CMTM4: variants seen among roughly 807,000 people sequenced by gnomAD.
CMTM4 encodes CKLF-like MARVEL transmembrane domain-containing protein 4.
Under a neutral mutation model 19.0 loss-of-function variants are expected in CMTM4, and 8 were observed. The observed-to-expected ratio is 0.42, with a 90% CI of 0.25 to 0.76. The LOEUF is 0.76. CMTM4 is among the 30% of genes least tolerant of loss of function. The probability of loss-of-function intolerance (pLI) is 0.27; values close to 1 mark genes in which losing one functional copy is unlikely to be tolerated. For missense variants in CMTM4, 228 were observed against 290.2 expected, an observed-to-expected ratio of 0.79 and a Z score of 1.56; for synonymous variants, 106 against 121.1, an observed-to-expected ratio of 0.88 and a Z score of 0.82.
chr16:66,651,638 C>A (rs2016312964), intron 1 of CMTM4, among the ~76,000 whole-genome samples: 1 of 152,178 alleles, frequency 6.6e-6, no homozygotes, highest in Non-Finnish European at 1.5e-5. Flanking sequence ...GGAAAAATCA[C>A]CATGTATGAT....
In CMTM4 at chr16:66,636,570, C is replaced by A; in HGVS notation, c.198G>T (p.Leu66=). ...RLKVAQVILA[L]IAFICIETIM... ...TGGTCTCTATGCAGATGAATGCAAT[C>A]AGGGCCAAGATCTAGGAAGAAAATT... is the stretch of plus-strand genomic sequence containing the variant. Residue 66 remains leucine (L), a synonymous_variant, in exon 2 of 4, where the codon CTG becomes CTT. Coordinates refer to ENST00000394106, the MANE Select transcript of CMTM4 (RefSeq NM_181521.3). The A allele has an allele frequency of 1.9e-6, 3 of 1,614,074 alleles. No homozygotes were observed. Among genetic ancestry groups the A allele is most frequent in the Non-Finnish European group, 1.7e-6 (2 of 1,179,932 alleles).
the CMTM4 span, chr16:66,609,627 C>A: frequency 1.3e-6 from 2 of 1,514,086 alleles, no homozygotes; most frequent in Non-Finnish European, 1.8e-6. This position sits in a 1 kb window ranked among gnomAD's most constrained non-coding sequence, Gnocchi z 4.4. Flanking sequence ...GCTGGGGCCC[C>A]CCTGGGGTCT....
intron 2 of CMTM4, among the ~76,000 whole-genome samples, chr16:66,633,102 A>AAT (rs371737613): frequency 8.2e-5 from 8 of 97,434 alleles, no homozygotes; most frequent in Admixed American, 3.1e-4. Context: ...TATATATATA[A>AAT]ATATATATAT....
downstream of CMTM4, chr16:66,612,546 G>T (rs536160698): frequency 1.5e-5 from 23 of 1,569,152 alleles, no homozygotes; most frequent in Non-Finnish European, 1.9e-5. The surrounding 1 kb of genome is among the most constrained non-coding windows in gnomAD (Gnocchi z 6.0). Context: ...CTTCCCCAGA[G>T]ACCGTTCCCA....
At chr16:66,680,600 C>T (rs1015583740) in intron 1 of CMTM4, among the ~76,000 whole-genome samples, 1 of 151,646 alleles carries the variant, frequency 6.6e-6, no homozygotes, top group African/African-American at 2.4e-5. Context: ...CGGTGAAACC[C>T]CGTCTCTACT....
At chr16:66,626,252 T>C (rs374887356) in intron 2 of CMTM4, among the ~76,000 whole-genome samples, 3 of 152,054 alleles carry the variant, frequency 2.0e-5, no homozygotes, top group East Asian at 3.9e-4. Flanking sequence ...CTGGCAAATA[T>C]GGTGAAACCC....
the CMTM4 span, among the ~76,000 whole-genome samples, chr16:66,606,209 TC>T: frequency 2.0e-5 from 3 of 151,922 alleles, no homozygotes; most frequent in African/African-American, 7.2e-5. Flanking sequence ...GTCCCCTCAC[TC>T]CCACCCCCAG....
chr16:66,640,527 C>A (rs1196265178), intron 1 of CMTM4, among the ~76,000 whole-genome samples: 1 of 152,016 alleles, frequency 6.6e-6, no homozygotes, highest in Non-Finnish European at 1.5e-5. Context: ...GTGAGGTATG[C>A]GGCTCTCACT....
intron 1 of CMTM4, among the ~76,000 whole-genome samples, chr16:66,642,089 C>T (rs886288344): frequency 6.6e-6 from 1 of 152,110 alleles, no homozygotes; most frequent in Admixed American, 6.6e-5. Context: ...TTTTGTCTGA[C>T]ATTGGACACA....
At position 66,696,213 on chromosome 16, in the gene CMTM4, G is replaced by C; in HGVS notation, c.186+127C>G. The C allele has an allele frequency of 1.7e-6, 1 of 605,320 alleles. No homozygotes were observed. Among genetic ancestry groups the C allele is most frequent in the Non-Finnish European group, 2.4e-6 (1 of 422,480 alleles). The allele number at this position is 605,320 out of a possible 1,614,324, so 37.5% of individuals were successfully genotyped here. On this transcript the variant is annotated intron_variant, in intron 1 of 3. Coordinates refer to ENST00000394106, the MANE Select transcript of CMTM4 (RefSeq NM_181521.3). This position sits in a 1 kb window ranked among gnomAD's most constrained non-coding sequence, Gnocchi z 4.3. ...AGTGGTCCCGGGACCCCACGAGGGA[G>C]AGGGGGCGCGAGGAGCGGGCTCCGG...
rs546195211 is a variant in CMTM4, at chr16:66,693,394, G to A, written c.186+2946C>T. ...CACCTCAGCTTCCTGATTTTTAAAA[G>A]TCAAATTTTTCTCCAAACCGCAGAG... On this transcript the variant is annotated intron_variant, in intron 1 of 3. Transcript: ENST00000394106. Among the ~76,000 whole-genome samples, 3 of 152,130 alleles carry A rather than the reference G, an allele frequency of 2.0e-5. No homozygotes were observed. The South Asian group carries it at 6.2e-4, about 32-fold the overall frequency.
At chr16:66,673,532 T>C (rs2016751796) in intron 1 of CMTM4, among the ~76,000 whole-genome samples, 1 of 152,042 alleles carries the variant, frequency 6.6e-6, no homozygotes, top group Non-Finnish European at 1.5e-5. Flanking sequence ...TTACAGAAAA[T>C]GCCTCAGTGT....
At chr16:66,610,213 G>A (rs995696972), downstream of CMTM4, among the ~76,000 whole-genome samples, 1 of 152,174 alleles carries the variant, frequency 6.6e-6, no homozygotes, top group Non-Finnish European at 1.5e-5. The surrounding 1 kb of genome is among the most constrained non-coding windows in gnomAD (Gnocchi z 4.6). Context: ...GCCTTTCTAG[G>A]AGGGGCAAGC....
intron 1 of CMTM4, among the ~76,000 whole-genome samples, chr16:66,683,172 TA>T (rs1255469605): frequency 1.2e-5 from 1 of 83,292 alleles, no homozygotes; most frequent in Non-Finnish European, 2.5e-5. Flanking sequence ...TATATATATA[TA>T]TACATATGTA....
chr16:66,689,066 A>C (rs896162005), intron 1 of CMTM4, among the ~76,000 whole-genome samples: 4 of 152,214 alleles, frequency 2.6e-5, no homozygotes, highest in Non-Finnish European at 5.9e-5. Context: ...TTATCTACCT[A>C]ATCATGCCAT....
chr16:66,622,843 C>T lies in CMTM4; in HGVS notation c.462+561G>A, dbSNP rs932227871. ...ATCGCCTGAGTGGCACCTGGGAGAG[C>T]AGTTCGTTTAATCATTTATAAACCT... On this transcript the variant is annotated intron_variant, in intron 3 of 3. Transcript: ENST00000394106. The surrounding 1 kb of genome is among the most constrained non-coding windows in gnomAD (Gnocchi z 4.0). 3.3e-5 allele frequency among the ~76,000 whole-genome samples: 5 copies of T among 152,206 alleles called. No individual in the cohort carries two copies. Among genetic ancestry groups the T allele is most frequent in the African/African-American group, 1.2e-4 (5 of 41,444 alleles).
Position 66,621,631 on chromosome 16 carries a change from TTGGAGCAGG to T in CMTM4, c.*418_*426del, listed in dbSNP as rs2015636826. 3.0e-6 allele frequency: 3 copies of T among 1,003,348 alleles called. No homozygotes were observed. The Admixed American group carries it at 1.6e-4, about 54-fold the overall frequency. The allele number at this position is 1,003,348 out of a possible 1,614,324, so 62.2% of individuals were successfully genotyped here. ...CCCAGCACGCAGACTCAACACTGAC[TTGGAGCAGG>T]TGGTGCCTAAGGCTGCCTGAGAACC... On this transcript the variant is annotated 3_prime_UTR_variant, in exon 4 of 4. Transcript: ENST00000394106.
At chr16:66,695,959 T>G (rs2017225274) in intron 1 of CMTM4, among the ~76,000 whole-genome samples, 1 of 152,122 alleles carries the variant, frequency 6.6e-6, no homozygotes, top group Non-Finnish European at 1.5e-5. Context: ...GTCCGGAGGT[T>G]GCGCGGGCCG....
chr16:66,641,662 T>C lies in CMTM4; in HGVS notation c.187-5081A>G, dbSNP rs74894406. Among the ~76,000 whole-genome samples the C allele has an allele frequency of 5.0e-4, 76 of 152,334 alleles. No homozygotes were observed. The East Asian group carries it at 8.9e-3, about 18-fold the overall frequency. ...GTCTCTCCAGTTCTTACTGCCCCAC[T>C]ATGTTATTTCCCTATTAGCTTCTCA... On this transcript the variant is annotated intron_variant, in intron 1 of 3. Coordinates refer to ENST00000394106, the MANE Select transcript of CMTM4 (RefSeq NM_181521.3).
Sources: allele counts gnomAD v4.1 joint callset (sites outside exome capture counted in the v4.1 genomes callset), GRCh38; gene constraint gnomAD v4.1.1; non-coding constraint Gnocchi (gnomAD v3.1); transcripts MANE v1.5; gene names NCBI Gene and HGNC (gene_info 2026-07-23, HGNC 2026-07-21).